Variants in NIBAN1 observed in about 807,000 individuals in gnomAD.
NIBAN1 encodes niban apoptosis regulator 1.
Under a neutral mutation model 75.1 loss-of-function variants are expected in NIBAN1, and 81 were observed. The ratio of observed to expected loss-of-function variants is 1.08; its 90% CI spans 0.90 to 1.30. The LOEUF (loss-of-function observed/expected upper bound fraction) is 1.30. Ranked by LOEUF, NIBAN1 falls within the 50% of genes most tolerant of loss-of-function variation. NIBAN1 has a pLI of 0.00. For synonymous variants in NIBAN1, 436 were observed against 424.8 expected (o/e 1.03, Z -0.32); for missense variants, 1,133 against 1,128.1 (o/e 1.00, Z -0.06).
At chr1:184,797,621 T>C (rs1653913591) in intron 13 of NIBAN1, among the ~76,000 whole-genome samples, 1 of 151,692 alleles carries the variant, frequency 6.6e-6, no homozygotes, top group Non-Finnish European at 1.5e-5. Flanking sequence ...GAGCCATTAA[T>C]AAGCCTTGCT....
intron 1 of NIBAN1, among the ~76,000 whole-genome samples, chr1:184,933,445 C>T (rs1430899240): frequency 1.3e-5 from 2 of 152,180 alleles, no homozygotes; most frequent in Non-Finnish European, 2.9e-5. Flanking sequence ...TTTTAAACCC[C>T]TTCTCTGGTA....
chr1:184,939,844 C>T (rs1344636106), intron 1 of NIBAN1, among the ~76,000 whole-genome samples: 1 of 152,126 alleles, frequency 6.6e-6, no homozygotes, highest in Non-Finnish European at 1.5e-5. Flanking sequence ...AGCGCTGTGT[C>T]CCACACTAGA....
chr1:184,822,029 C>T (rs973791826), intron 8 of NIBAN1, among the ~76,000 whole-genome samples: 3 of 152,154 alleles, frequency 2.0e-5, no homozygotes, highest in Non-Finnish European at 2.9e-5. Context: ...CTCTAAGCCT[C>T]CTGAGCACAG....
At chr1:184,845,452 A>G (rs1487757219) in intron 5 of NIBAN1, among the ~76,000 whole-genome samples, 1 of 152,232 alleles carries the variant, frequency 6.6e-6, no homozygotes, top group African/African-American at 2.4e-5. Context: ...GTTTGGGGAT[A>G]ACTTTAACTG....
At chr1:184,828,802 C>A (rs1396472736) in intron 6 of NIBAN1, among the ~76,000 whole-genome samples, 2 of 114,592 alleles carry the variant, frequency 1.7e-5, no homozygotes, top group Admixed American at 1.0e-4. Context: ...CTGAGAGAAG[C>A]AAAACCATTT....
At chr1:184,919,201 A>G (rs1657467508) in intron 1 of NIBAN1, among the ~76,000 whole-genome samples, 1 of 152,216 alleles carries the variant, frequency 6.6e-6, no homozygotes, top group Non-Finnish European at 1.5e-5. Context: ...ACAAACAAAA[A>G]AAGATCAGTA....
chr1:184,916,492 C>T (rs1245473094), intron 1 of NIBAN1, among the ~76,000 whole-genome samples: 1 of 151,524 alleles, frequency 6.6e-6, no homozygotes, highest in African/African-American at 2.4e-5. Flanking sequence ...TAGCTATGAG[C>T]AAAAAAAATC....
At chr1:184,887,872 T>C (rs1293179884) in intron 4 of NIBAN1, 6 of 152,212 alleles carry the variant, frequency 3.9e-5, no homozygotes, top group Non-Finnish European at 8.8e-5. Flanking sequence ...GAACACTCTG[T>C]AAAGAATACA....
chr1:184,825,563 G>A (rs1654821187), intron 6 of NIBAN1, among the ~76,000 whole-genome samples: 1 of 152,152 alleles, frequency 6.6e-6, no homozygotes, highest in Non-Finnish European at 1.5e-5. Flanking sequence ...GGGAGGGAGT[G>A]TCTAAATTTT....
At chr1:184,832,697 C>T (rs1374966243) in intron 5 of NIBAN1, among the ~76,000 whole-genome samples, 8 of 152,240 alleles carry the variant, frequency 5.3e-5, no homozygotes, top group South Asian at 2.1e-4. Flanking sequence ...ACTAGTTTTA[C>T]GGGTTTGCCC....
intron 5 of NIBAN1, among the ~76,000 whole-genome samples, chr1:184,841,832 T>C (rs188677498): frequency 3.9e-5 from 6 of 152,326 alleles, no homozygotes; most frequent in Admixed American, 3.9e-4. Flanking sequence ...TGCTCAAATC[T>C]CTATTATATA....
chr1:184,830,221 G>A (rs780302075), intron 6 of NIBAN1, among the ~76,000 whole-genome samples: 22 of 152,308 alleles, frequency 1.4e-4, no homozygotes, highest in Middle Eastern at 3.4e-3. Context: ...ATTAGGTTTC[G>A]AACATTGTCA....
At chr1:184,828,830 G>A (rs917513285) in intron 6 of NIBAN1, among the ~76,000 whole-genome samples, 7 of 150,972 alleles carry the variant, frequency 4.6e-5, no homozygotes, top group Non-Finnish European at 8.8e-5. Context: ...TTTTGAGACA[G>A]GGTCTCTCTG....
chr1:184,834,910 C>T (rs191577289), intron 5 of NIBAN1, among the ~76,000 whole-genome samples: 188 of 151,956 alleles, frequency 1.2e-3, no homozygotes, highest in African/African-American at 4.4e-3. Context: ...TTTGGTGTTT[C>T]AGTCATGAAG....
intron 1 of NIBAN1, among the ~76,000 whole-genome samples, chr1:184,911,090 C>CACAT (rs528646659): frequency 7.9e-4 from 119 of 150,666 alleles, no homozygotes; most frequent in African/African-American, 2.6e-3. Context: ...CACACACACA[C>CACAT]ATATATATAT....
At chr1:184,961,939 G>C (rs768385256) in intron 1 of NIBAN1, among the ~76,000 whole-genome samples, 24 of 152,322 alleles carry the variant, frequency 1.6e-4, no homozygotes, top group Non-Finnish European at 3.5e-4. Flanking sequence ...CTGGGCCACA[G>C]ACAGTAGGAA....
rs1653724018 is a variant in NIBAN1, at chr1:184,792,462, G to A, written c.*2515C>T. ...AGAAGCCCTGCATTGAGCAAAGAAA[G>A]GAAGCTAGGAAGCTCCGGTGTGAGG... On this transcript the variant is annotated 3_prime_UTR_variant, in exon 14 of 14. Transcript: ENST00000367511. The A allele has an allele frequency of 6.5e-6, 1 of 152,714 alleles. No individual in the cohort carries two copies. The highest frequency in any genetic ancestry group is 1.5e-5 in the Non-Finnish European group (1 of 68,104). The allele number at this position is 152,714 out of a possible 1,614,324, so 9.5% of individuals were successfully genotyped here. A position where few individuals can be genotyped will look rare whatever the true frequency, so the allele number is the denominator to read the frequency against.
intron 1 of NIBAN1, among the ~76,000 whole-genome samples, chr1:184,919,722 C>T (rs1049869818): frequency 7.2e-5 from 11 of 152,140 alleles, no homozygotes; most frequent in African/African-American, 1.7e-4. Flanking sequence ...AGGAATAAAA[C>T]GCAGCTGCAT....
intron 6 of NIBAN1, among the ~76,000 whole-genome samples, chr1:184,828,048 T>G (rs1399013988): frequency 6.9e-6 from 1 of 145,648 alleles, no homozygotes; most frequent in Non-Finnish European, 1.5e-5. Flanking sequence ...AAGCAAATAA[T>G]AAATATATCA....
Sources: gnomAD v4.1 joint callset for allele counts (sites outside exome capture counted in the v4.1 genomes callset) on GRCh38, gnomAD v4.1.1 for gene constraint, MANE v1.5 for transcripts, NCBI Gene and HGNC (gene_info 2026-07-23, HGNC 2026-07-21) for gene names.